Variants in PKHD1L1 observed in about 807,000 individuals in gnomAD.
The protein encoded by PKHD1L1 is fibrocystin-L.
In PKHD1L1, 434 loss-of-function variants were observed where a neutral mutation model predicts 462.9. The observed-to-expected ratio is 0.94, with a 90% CI of 0.87 to 1.02. PKHD1L1 has a LOEUF of 1.02. Among genes scored for constraint, PKHD1L1 ranks in the 50% least tolerant of loss-of-function variants. The pLI, the probability that PKHD1L1 is intolerant of heterozygous loss-of-function variation, is 0.00. For synonymous variants in PKHD1L1, 1,781 were observed against 1,750.0 expected (o/e 1.02, Z -0.44); for missense variants, 5,202 against 5,096.1 (o/e 1.02, Z -0.63).
At chr8:109,479,097 T>C (rs1271734008) in intron 53 of PKHD1L1, among the ~76,000 whole-genome samples, 1 of 152,162 alleles carries the variant, frequency 6.6e-6, no homozygotes, top group Non-Finnish European at 1.5e-5. Context: ...GTGCATATTT[T>C]CCAGTGGGAA....
chr8:109,408,273 T>C, intron 18 of PKHD1L1, 67 bp downstream of exon 18: 1 of 1,370,750 alleles, frequency 7.3e-7, no homozygotes. Flanking sequence ...ATGGGCCATT[T>C]GTAGACAGAT....
chr8:109,493,742 C>T lies in PKHD1L1; in HGVS notation c.10318C>T (p.Pro3440Ser). 1.9e-6 allele frequency: 3 copies of T among 1,598,700 alleles called. No individual in the cohort carries two copies. The highest frequency in any genetic ancestry group is 1.1e-5 in the South Asian group (1 of 88,304). Residue 3440 changes from proline (P) to serine (S), a missense_variant, in exon 63 of 78, where the codon CCT becomes TCT. Transcript: ENST00000378402. The stretch of plus-strand genomic sequence containing the variant: ...AGCAGGATACCGCATTGATGGTGAA[C>T]CTTGCCCAGGTAAGTCTTTTAAACC... ...GRAGYRIDGE[P>S]CPGQFNPVEK...
At chr8:109,479,694 A>C in intron 54 of PKHD1L1, 55 bp downstream of exon 54, 1 of 1,200,028 alleles carries the variant, frequency 8.3e-7, no homozygotes, top group Non-Finnish European at 1.2e-6. Flanking sequence ...TATTAACACT[A>C]TGGCAGGGTA....
intron 2 of PKHD1L1, among the ~76,000 whole-genome samples, chr8:109,373,953 G>A (rs984347314): frequency 2.6e-5 from 4 of 152,154 alleles, no homozygotes; most frequent in Admixed American, 2.0e-4. Context: ...TAGGTGTGGT[G>A]TGGTGCTGAA....
At chr8:109,462,502 C>T (rs535448600) in intron 48 of PKHD1L1, among the ~76,000 whole-genome samples, 2 of 152,194 alleles carry the variant, frequency 1.3e-5, no homozygotes, top group African/African-American at 4.8e-5. Flanking sequence ...ATGTCAAGCA[C>T]ATTCCTATCT....
At position 109,449,399 on chromosome 8, in the gene PKHD1L1, A is replaced by G. The variant is rs1238460959; in HGVS notation, c.6087A>G (p.Ser2029=). ...VTGTGFNPQN[S]IILVCGSECA... ...GCACCGGATTTAATCCACAAAATTC[A>G]ATTATATTAGTTTGTGGCTCAGAAT... The change falls in exon 40 of 78, where the codon TCA becomes TCG. Residue 2029 remains serine, a synonymous_variant. Coordinates refer to ENST00000378402, the MANE Select transcript of PKHD1L1 (RefSeq NM_177531.6). 9 of 1,590,088 alleles carry G rather than the reference A, an allele frequency of 5.7e-6. No individual in the cohort carries two copies. The African/African-American group carries it at 1.2e-4, about 21-fold the overall frequency.
At chr8:109,394,188 A>G (rs1015990999) in intron 9 of PKHD1L1, among the ~76,000 whole-genome samples, 1 of 150,348 alleles carries the variant, frequency 6.7e-6, no homozygotes, top group Non-Finnish European at 1.5e-5. Context: ...AAAAAAAAAA[A>G]AAAAAAAAAG....
chr8:109,382,633 T>C, intron 4 of PKHD1L1, 62 bp downstream of exon 4: 2 of 1,360,198 alleles, frequency 1.5e-6, no homozygotes, highest in East Asian at 2.5e-5. Context: ...CCTGCAGAAC[T>C]GAATTTTTCC....
At chr8:109,504,260 T>C in intron 67 of PKHD1L1, 67 bp from the exon 68 acceptor site, 2 of 1,008,506 alleles carry the variant, frequency 2.0e-6, no homozygotes, top group Non-Finnish European at 2.8e-6. Flanking sequence ...TGGCAGAATG[T>C]GCATTAAATC....
intron 36 of PKHD1L1, among the ~76,000 whole-genome samples, 164 bp downstream of exon 36, chr8:109,443,280 A>C (rs924158827): frequency 7.9e-5 from 12 of 152,120 alleles, no homozygotes; most frequent in Admixed American, 6.5e-4. Context: ...TTATCCTCTA[A>C]AGTAAGGATC....
At chr8:109,473,474 C>A (rs1817828575) in intron 50 of PKHD1L1, among the ~76,000 whole-genome samples, 1 of 151,188 alleles carries the variant, frequency 6.6e-6, no homozygotes, top group Non-Finnish European at 1.5e-5. Flanking sequence ...CGAGATCATA[C>A]CACTGGACTC....
rs757060624 is a variant in PKHD1L1, at chr8:109,381,562, G to A, written c.308+48G>A. Reference sequence around the variant, plus strand: ...TAAAATCATTTTCATCATATCAGAAGTTACAGTTATGAATATTAGTATTAT... The same window carrying A: ...TAAAATCATTTTCATCATATCAGAAATTACAGTTATGAATATTAGTATTAT... On this transcript the variant is annotated intron_variant, in intron 3 of 77. Coordinates refer to ENST00000378402, the MANE Select transcript of PKHD1L1 (RefSeq NM_177531.6). 7.3e-6 allele frequency: 10 copies of A among 1,367,448 alleles called. No individual in the cohort carries two copies. In the South Asian group the frequency reaches 1.4e-4, roughly 19 times the overall value. The allele number at this position is 1,367,448 out of a possible 1,614,324, so 84.7% of individuals were successfully genotyped here.
At chr8:109,433,344 C>T (rs775326871) in intron 28 of PKHD1L1, 128 bp downstream of exon 28, 42 of 809,742 alleles carry the variant, frequency 5.2e-5, no homozygotes, top group Non-Finnish European at 7.5e-5. Context: ...TATCATGATC[C>T]CTATGGGGTC....
intron 50 of PKHD1L1, 43 bp from the exon 51 acceptor site, chr8:109,475,075 G>A: frequency 6.6e-7 from 1 of 1,525,896 alleles, no homozygotes. Flanking sequence ...GTTTATTAGA[G>A]GTAGAGATTA....
rs1290271386 is a variant in PKHD1L1 at position 109,527,089 on chromosome 8, G to A, written c.12721+69G>A. The A allele has an allele frequency of 2.3e-6, 3 of 1,302,896 alleles. No homozygotes were observed. In the African/African-American group the frequency reaches 4.4e-5, roughly 19 times the overall value. 80.7% of individuals were successfully genotyped at this position (1,302,896 alleles called of 1,614,324 possible). ...TACCAGTGTTTACTGGATAAAGGCT[G>A]TGTGCACAGCTCTTGTGCATGATAT... is the stretch of plus-strand genomic sequence containing the variant. On this transcript the variant is annotated intron_variant, in intron 77 of 77. Coordinates refer to ENST00000378402, the MANE Select transcript of PKHD1L1 (RefSeq NM_177531.6).
chr8:109,403,805 A>G (rs1191753662), intron 14 of PKHD1L1, among the ~76,000 whole-genome samples: 1 of 152,146 alleles, frequency 6.6e-6, no homozygotes, highest in East Asian at 1.9e-4. Flanking sequence ...ATGTTGAGTG[A>G]TGTGAGACAA....
At chr8:109,512,224 C>T (rs1302523276) in intron 71 of PKHD1L1, among the ~76,000 whole-genome samples, 9 of 151,040 alleles carry the variant, frequency 6.0e-5, no homozygotes, top group South Asian at 4.2e-4. Flanking sequence ...TCAATTTTGG[C>T]TTTTGTTGCC....
chr8:109,519,515 G>A (rs1820440727), intron 73 of PKHD1L1, among the ~76,000 whole-genome samples: 1 of 151,982 alleles, frequency 6.6e-6, no homozygotes, highest in Non-Finnish European at 1.5e-5. Flanking sequence ...GGTCTTCTGG[G>A]ATGCAATAAT....
At chr8:109,409,622 T>C (rs1213120251) in intron 18 of PKHD1L1, among the ~76,000 whole-genome samples, 2 of 152,244 alleles carry the variant, frequency 1.3e-5, no homozygotes, top group East Asian at 1.9e-4. Flanking sequence ...TAACTAAGTA[T>C]GCTATTATTA....
Sources: allele counts gnomAD v4.1 joint callset (sites outside exome capture counted in the v4.1 genomes callset), GRCh38; gene constraint gnomAD v4.1.1; transcripts MANE v1.5; gene names NCBI Gene and HGNC (gene_info 2026-07-23, HGNC 2026-07-21).